Variants in SRC observed in about 807,000 individuals in gnomAD.
SRC encodes the protein SRC proto-oncogene, non-receptor tyrosine kinase, also known as proto-oncogene tyrosine-protein kinase Src.
Under a neutral mutation model 62.9 loss-of-function variants are expected in SRC, and 13 were observed. The ratio of observed to expected loss-of-function variants is 0.21; its 90% CI spans 0.13 to 0.33. SRC has a LOEUF of 0.33. Among genes scored for constraint, SRC ranks in the 10% least tolerant of loss-of-function variants. SRC has a pLI of 1.00. For synonymous variants in SRC, 302 were observed against 317.5 expected, an observed-to-expected ratio of 0.95 and a Z score of 0.52; for missense variants, 457 against 737.3, an observed-to-expected ratio of 0.62 and a Z score of 4.40.
At position 37,396,365 on chromosome 20, in the gene SRC, T is replaced by G; in HGVS notation, c.703+54T>G. On this transcript the variant is annotated intron_variant, in intron 8 of 13. Coordinates refer to ENST00000373578, the MANE Select transcript of SRC (RefSeq NM_198291.3). The surrounding 1 kb of genome is among the most constrained non-coding windows in gnomAD (Gnocchi z 6.1). ...GGCGGGCAAAGCCTCAGCTGCAGACTCTGGGGAGGGGCCTTGGAGCCTAGA... is the reference window on the plus strand; with the variant it reads ...GGCGGGCAAAGCCTCAGCTGCAGACGCTGGGGAGGGGCCTTGGAGCCTAGA... The G allele has an allele frequency of 6.2e-7, 1 of 1,601,350 alleles. No homozygotes were observed. Among genetic ancestry groups the G allele is most frequent in the Middle Eastern group, 1.8e-4 (1 of 5,590 alleles).
chr20:37,374,724 G>A (rs975159720), intron 2 of SRC, among the ~76,000 whole-genome samples: 31 of 151,756 alleles, frequency 2.0e-4, no homozygotes, highest in African/African-American at 7.3e-4. Context: ...ACAGGCATGT[G>A]CCACCACACC....
chr20:37,346,659 C>G (rs1028341784), intron 1 of SRC, among the ~76,000 whole-genome samples: 5 of 148,144 alleles, frequency 3.4e-5, no homozygotes, highest in African/African-American at 1.2e-4. Flanking sequence ...CTGCGCCCCC[C>G]GGCCCCGGGT....
chr20:37,352,318 G>A (rs1489595646), intron 1 of SRC, among the ~76,000 whole-genome samples: 1 of 152,238 alleles, frequency 6.6e-6, no homozygotes, highest in African/African-American at 2.4e-5. Flanking sequence ...GATGAGGCAG[G>A]AATCCTGGGC....
At position 37,384,126 on chromosome 20, in the gene SRC, A is replaced by G; in HGVS notation, c.-4-24A>G. On this transcript the variant is annotated intron_variant, in intron 3 of 13. Coordinates refer to ENST00000373578, the MANE Select transcript of SRC (RefSeq NM_198291.3). The surrounding 1 kb of genome is among the most constrained non-coding windows in gnomAD (Gnocchi z 6.7). Reference sequence around the variant, plus strand: ...GGGCCCCGGCAGCCCTGCCTGTTCCAGTGTCTTCTCTCTCTCCTGCCAGGA... The same window carrying G: ...GGGCCCCGGCAGCCCTGCCTGTTCCGGTGTCTTCTCTCTCTCCTGCCAGGA... 1 of 1,595,858 alleles carries G rather than the reference A, an allele frequency of 6.3e-7. No homozygotes were observed. Among genetic ancestry groups the G allele is most frequent in the Non-Finnish European group, 8.5e-7 (1 of 1,175,066 alleles).
At chr20:37,393,413 G>A (rs564638225) in intron 5 of SRC, among the ~76,000 whole-genome samples, 20 of 152,314 alleles carry the variant, frequency 1.3e-4, no homozygotes, top group South Asian at 6.2e-4. Flanking sequence ...TCCCAGGAGC[G>A]GGCTTCCAAA....
At position 37,386,982 on chromosome 20, in the gene SRC, A is replaced by T. The variant is rs190010151; in HGVS notation, c.350+808A>T. 9.1e-4 allele frequency among the ~76,000 whole-genome samples: 139 copies of T among 152,354 alleles called. 1 individual carries two copies. Among genetic ancestry groups the T allele is most frequent in the African/African-American group, 3.2e-3 (134 of 41,580 alleles). ...GGACTGAGAGGGTCAAGGGCCTCGA[A>T]GGAAAGCCAGTGAAGTTATCTGGCA... On this transcript the variant is annotated intron_variant, in intron 5 of 13. Coordinates refer to ENST00000373578, the MANE Select transcript of SRC (RefSeq NM_198291.3).
At chr20:37,393,871 C>T in intron 5 of SRC, 24 bp from the exon 6 acceptor site, 4 of 1,586,674 alleles carry the variant, frequency 2.5e-6, no homozygotes, top group Non-Finnish European at 3.5e-6. Context: ...TTCTCCTTTC[C>T]TCCCTCCTTC....
At chr20:37,388,321 G>T (rs2070488025) in intron 5 of SRC, among the ~76,000 whole-genome samples, 1 of 152,210 alleles carries the variant, frequency 6.6e-6, no homozygotes, top group South Asian at 2.1e-4. Context: ...GGAGGCTGGG[G>T]CTGCCAGGAG....
chr20:37,352,421 A>G (rs1267434464), intron 1 of SRC, among the ~76,000 whole-genome samples: 1 of 151,852 alleles, frequency 6.6e-6, no homozygotes, highest in Non-Finnish European at 1.5e-5. Context: ...GAGTGGGGGG[A>G]AGATTAACTA....
chr20:37,355,244 C>A (rs577729156), intron 1 of SRC, among the ~76,000 whole-genome samples: 1 of 152,046 alleles, frequency 6.6e-6, no homozygotes, highest in Non-Finnish European at 1.5e-5. Context: ...TCCCCACCCC[C>A]ACCCCGCCAG....
intron 2 of SRC, among the ~76,000 whole-genome samples, chr20:37,380,871 T>C (rs894147590): frequency 4.6e-5 from 7 of 152,162 alleles, no homozygotes; most frequent in African/African-American, 1.7e-4. Flanking sequence ...TTTTCTTTTT[T>C]TTTAATCTTC....
rs768153665 is a variant in SRC at position 37,396,316 on chromosome 20, G to A, written c.703+5G>A. ...AGCTGGTGGCCTACTACTCCAGTGA[G>A]CCAGCCTCGGAGGGCGGAGGGCGGG... On this transcript the variant is annotated splice_donor_5th_base_variant and intron_variant, in intron 8 of 13. Coordinates refer to ENST00000373578, the MANE Select transcript of SRC (RefSeq NM_198291.3). The surrounding 1 kb of genome is among the most constrained non-coding windows in gnomAD (Gnocchi z 6.1). 6.2e-7 allele frequency: 1 copy of A among 1,613,090 alleles called. No individual in the cohort carries two copies. Among genetic ancestry groups the A allele is most frequent in the Non-Finnish European group, 8.5e-7 (1 of 1,179,924 alleles).
Position 37,382,610 on chromosome 20 carries a change from G to A in SRC, c.-172-9G>A, listed in dbSNP as rs1294085174. 11 of 152,264 alleles carry A rather than the reference G, an allele frequency of 7.2e-5. No homozygotes were observed. Among genetic ancestry groups the A allele is most frequent in the Admixed American group, 7.2e-4 (11 of 15,282 alleles). The allele number at this position is 152,264 out of a possible 1,614,324, so 9.4% of individuals were successfully genotyped here. On this transcript the variant is annotated splice_polypyrimidine_tract_variant and intron_variant, in intron 2 of 13. Transcript: ENST00000373578. ...GTGCTGAGATGTCTGCTTTATCCCT[G>A]CTTTGCAGATGAGGACGCTGAGGCC...
intron 5 of SRC, among the ~76,000 whole-genome samples, chr20:37,389,087 G>C (rs1672216408): frequency 6.6e-6 from 1 of 152,124 alleles, no homozygotes; most frequent in Non-Finnish European, 1.5e-5. Flanking sequence ...CCAAGTGGGG[G>C]TCCTCGCAGT....
chr20:37,400,178 A>G lies in SRC; in HGVS notation c.923A>G (p.Glu308Gly). 5 of 1,613,996 alleles carry G rather than the reference A, an allele frequency of 3.1e-6. No homozygotes were observed. The highest frequency in any genetic ancestry group is 3.4e-6 in the Non-Finnish European group (4 of 1,179,954). The change falls in exon 10 of 14, where the codon GAG becomes GGG. Residue 308 changes from glutamate (E) to glycine (G), a missense_variant. This residue lies in a region of SRC where 168 missense variants were observed against 357.8 expected (regional missense o/e 0.47). Coordinates refer to ENST00000373578, the MANE Select transcript of SRC (RefSeq NM_198291.3). ...CTGAAGCCTGGCACGATGTCTCCAG[A>G]GGCCTTCCTGCAGGAGGCCCAGGTC... ...KTLKPGTMSP[E>G]AFLQEAQVMK... is the part of the protein sequence containing the mutation.
intron 5 of SRC, among the ~76,000 whole-genome samples, chr20:37,388,261 C>T: frequency 6.6e-6 from 1 of 152,038 alleles, no homozygotes; most frequent in East Asian, 1.9e-4. Flanking sequence ...AGCCCTTTCC[C>T]TCCACTCTTC....
chr20:37,380,360 GT>G (rs2147032194), intron 2 of SRC, among the ~76,000 whole-genome samples: 1 of 152,204 alleles, frequency 6.6e-6, no homozygotes, highest in South Asian at 2.1e-4. Flanking sequence ...CACCCATGCT[GT>G]GTGACTTCAG....
chr20:37,355,842 G>A (rs985457614), intron 1 of SRC, among the ~76,000 whole-genome samples: 2 of 152,230 alleles, frequency 1.3e-5, no homozygotes, highest in Admixed American at 6.5e-5. Flanking sequence ...GGTGTGGATA[G>A]CCATGGAGGT....
At chr20:37,346,402 G>C (rs1028853178) in intron 1 of SRC, 147 bp downstream of exon 1, 1 of 150,204 alleles carries the variant, frequency 6.7e-6, no homozygotes, top group African/African-American at 2.4e-5. Context: ...GCCAAGCCGC[G>C]ATACCCAAGC....
Sources: gnomAD v4.1 joint callset for allele counts (sites outside exome capture counted in the v4.1 genomes callset) on GRCh38, gnomAD v4.1.1 for gene constraint, gnomAD v4.1.1 regional missense constraint, Gnocchi (gnomAD v3.1) non-coding constraint, MANE v1.5 for transcripts, NCBI Gene and HGNC (gene_info 2026-07-23, HGNC 2026-07-21) for gene names.